AASS: variants seen among roughly 807,000 people sequenced by gnomAD.
The protein encoded by AASS is aminoadipate-semialdehyde synthase.
In AASS, 86 loss-of-function variants were observed where a neutral mutation model predicts 105.4. The ratio of observed to expected loss-of-function variants is 0.82; its 90% CI spans 0.69 to 0.98. The LOEUF is 0.98. AASS is among the 50% of genes least tolerant of loss of function. AASS has a pLI of 0.00. For missense variants in AASS, 1,048 were observed against 1,143.2 expected, an observed-to-expected ratio of 0.92 and a Z score of 1.20; for synonymous variants, 381 against 394.8, an observed-to-expected ratio of 0.96 and a Z score of 0.41.
chr7:122,113,155 C>T lies in AASS; in HGVS notation c.1241G>A (p.Cys414Tyr), dbSNP rs1313984525. ...ATAAGGGTAAAGCATGTCTCCAAAG[C>T]ATTCTGTAGCTTCAATTGGGAGCTG... ...PAQLPIEATE[C>Y]FGDMLYPYVE... Residue 414 changes from cysteine (C) to tyrosine (Y), a missense_variant, in exon 11 of 24, where the codon TGC (cysteine) becomes TAC (tyrosine). Transcript: ENST00000417368. 7.4e-6 allele frequency: 12 copies of T among 1,613,904 alleles called. 1 individual carries two copies. In the South Asian group the frequency reaches 1.3e-4, roughly 18 times the overall value.
At chr7:122,140,149 C>T (rs970406135) in intron 1 of AASS, among the ~76,000 whole-genome samples, 5 of 152,002 alleles carry the variant, frequency 3.3e-5, no homozygotes, top group Admixed American at 6.6e-5. Flanking sequence ...TTATAGATCA[C>T]CTACCTAAGC....
intron 3 of AASS, among the ~76,000 whole-genome samples, chr7:122,128,987 A>T (rs901204278): frequency 1.3e-5 from 2 of 152,150 alleles, no homozygotes; most frequent in Admixed American, 1.3e-4. Flanking sequence ...CTGAGGCAGG[A>T]GAATCACCTG....
intron 23 of AASS, 72 bp downstream of exon 23, chr7:122,077,766 C>T (rs961040266): frequency 3.2e-6 from 5 of 1,561,402 alleles, no homozygotes; most frequent in Non-Finnish European, 4.4e-6. Flanking sequence ...AGAGCAATTA[C>T]TTGATGTCCA....
chr7:122,123,097 C>T (rs1795509337), intron 4 of AASS, among the ~76,000 whole-genome samples: 2 of 152,172 alleles, frequency 1.3e-5, no homozygotes. Context: ...ATAGAGTTCC[C>T]TGGCAATTGT....
chr7:122,141,872 C>A (rs959729760), intron 1 of AASS, among the ~76,000 whole-genome samples: 6 of 152,098 alleles, frequency 3.9e-5, no homozygotes, highest in African/African-American at 1.2e-4. Flanking sequence ...TATTCTGATT[C>A]TATTAAGCAT....
intron 22 of AASS, 135 bp from the exon 23 acceptor site, chr7:122,078,149 G>A: frequency 1.2e-6 from 1 of 846,932 alleles, no homozygotes; most frequent in Non-Finnish European, 1.9e-6. Flanking sequence ...TATTTACACA[G>A]CTTTTTAGCC....
chr7:122,105,411 T>C (rs1019971897), intron 11 of AASS, among the ~76,000 whole-genome samples: 2 of 152,094 alleles, frequency 1.3e-5, no homozygotes, highest in Non-Finnish European at 2.9e-5. Flanking sequence ...TTTTATCCAG[T>C]AGCACCAGTG....
intron 1 of AASS, among the ~76,000 whole-genome samples, chr7:122,139,098 T>C (rs541915441): frequency 2.0e-5 from 3 of 152,334 alleles, no homozygotes; most frequent in South Asian, 2.1e-4. Context: ...CACATATTAA[T>C]ATAAAAACAG....
chr7:122,080,606 A>C lies in AASS; in HGVS notation c.2280+894T>G, dbSNP rs140096952. On this transcript the variant is annotated intron_variant, in intron 20 of 23. Transcript: ENST00000417368. ...TTCACAAATGCACACAAAAAAAATG[A>C]ATGTAAAAGCAACTGGCTAACACAA... Among the ~76,000 whole-genome samples the C allele has an allele frequency of 1.4e-3, 220 of 152,260 alleles. 1 individual carries two copies. The East Asian group carries it at 0.026, about 18-fold the overall frequency.
rs1391210024 is a variant in AASS, at chr7:122,075,560, G to A, written c.*929C>T. On this transcript the variant is annotated 3_prime_UTR_variant, in exon 24 of 24. Transcript: ENST00000417368. ...ACCATTAAGTATGATGCTAACCATG[G>A]GTTCTTCATAGATGCCCTTTATCAG... 2.6e-5 allele frequency: 4 copies of A among 152,116 alleles called. No individual in the cohort carries two copies. Among genetic ancestry groups the A allele is most frequent in the African/African-American group, 9.7e-5 (4 of 41,426 alleles). 9.4% of individuals were successfully genotyped at this position (152,116 alleles called of 1,614,324 possible). A position where few individuals can be genotyped will look rare whatever the true frequency, so the allele number is the denominator to read the frequency against.
At chr7:122,096,332 C>T (rs1339481399) in intron 15 of AASS, among the ~76,000 whole-genome samples, 2 of 151,960 alleles carry the variant, frequency 1.3e-5, no homozygotes, top group Non-Finnish European at 2.9e-5. Context: ...CTTTCCCCAA[C>T]TTAAAAAATA....
At position 122,080,961 on chromosome 7, in the gene AASS, G is replaced by A. The variant is rs55813453; in HGVS notation, c.2280+539C>T. 4.5e-3 allele frequency among the ~76,000 whole-genome samples: 691 copies of A among 152,266 alleles called. 3 individuals carry two copies. Among genetic ancestry groups the A allele is most frequent in the Non-Finnish European group, 7.9e-3 (540 of 68,018 alleles). Reference sequence around the variant, plus strand: ...GAGCAGTCAGTAGAAGCTCTACTTCGCATTCAGTTCCAAGCCTCCAAAGTT... The same window carrying A: ...GAGCAGTCAGTAGAAGCTCTACTTCACATTCAGTTCCAAGCCTCCAAAGTT... On this transcript the variant is annotated intron_variant, in intron 20 of 23. Transcript: ENST00000417368.
chr7:122,080,608 T>C (rs1793267736), intron 20 of AASS, among the ~76,000 whole-genome samples: 1 of 152,108 alleles, frequency 6.6e-6, no homozygotes, highest in Non-Finnish European at 1.5e-5. Context: ...AAAAAATGAA[T>C]GTAAAAGCAA....
rs764609770 is a variant in AASS, at chr7:122,091,735, T to A, written c.1984A>T (p.Met662Leu). 3 of 1,613,412 alleles carry A rather than the reference T, an allele frequency of 1.9e-6. No individual in the cohort carries two copies. In the African/African-American group the frequency reaches 4.0e-5, roughly 22 times the overall value. ...WSPVGVLMNV[M>L]QSATYLLDGK... ...TCGAGCAGATAGGTGGCAGACTGCA[T>A]TACATTCATCAAAACTCCCACTGGA... The change falls in exon 18 of 24, where the codon ATG (methionine) becomes TTG (leucine). Residue 662 changes from methionine to leucine, a missense_variant. Met to Leu is a conservative substitution (Grantham distance 15). Transcript: ENST00000417368.
chr7:122,101,876 T>C (rs1794449587), intron 11 of AASS, among the ~76,000 whole-genome samples, 196 bp from the exon 12 acceptor site: 1 of 151,954 alleles, frequency 6.6e-6, no homozygotes, highest in Admixed American at 6.6e-5. Flanking sequence ...CTATGGTGTT[T>C]CAGCACAAGT....
At chr7:122,095,859 G>C (rs191335626) in intron 15 of AASS, among the ~76,000 whole-genome samples, 7 of 152,154 alleles carry the variant, frequency 4.6e-5, no homozygotes, top group Non-Finnish European at 1.5e-5. Flanking sequence ...TCATCTTAAA[G>C]GTTAAACAGA....
intron 11 of AASS, among the ~76,000 whole-genome samples, chr7:122,107,771 A>G (rs996709352): frequency 6.6e-6 from 1 of 152,062 alleles, no homozygotes. Context: ...GAGGAGCACA[A>G]AAAATGACTA....
At chr7:122,143,329 TTCTC>T (rs1199845105) in intron 1 of AASS, among the ~76,000 whole-genome samples, 3 of 151,522 alleles carry the variant, frequency 2.0e-5, no homozygotes, top group Non-Finnish European at 4.4e-5. Flanking sequence ...CGAGCGCTCT[TTCTC>T]TCTCTCTCTT....
chr7:122,117,012 G>C, intron 6 of AASS, 55 bp from the exon 7 acceptor site: 1 of 1,474,678 alleles, frequency 6.8e-7, no homozygotes, highest in Non-Finnish European at 9.5e-7. Flanking sequence ...GAACCAACAT[G>C]GTTTTCTGCA....
Sources: gnomAD v4.1 joint callset for allele counts (sites outside exome capture counted in the v4.1 genomes callset) on GRCh38, gnomAD v4.1.1 for gene constraint, MANE v1.5 for transcripts, NCBI Gene and HGNC (gene_info 2026-07-23, HGNC 2026-07-21) for gene names.